MADD: variants seen among roughly 807,000 people sequenced by gnomAD.
The protein encoded by MADD is MAP kinase activating death domain, also known as MAP kinase-activating death domain protein.
Under a neutral mutation model 176.7 loss-of-function variants are expected in MADD, and 109 were observed. The ratio of observed to expected loss-of-function variants is 0.62; its 90% confidence interval spans 0.53 to 0.72. The LOEUF (loss-of-function observed/expected upper bound fraction) is 0.72, where lower values mean the gene tolerates loss of function less well. MADD is among the 30% of genes least tolerant of loss of function. MADD has a pLI of 0.00. For synonymous variants in MADD, 771 were observed against 771.3 expected (o/e 1.00, Z 0.01); for missense variants, 1,914 against 2,045.5 (o/e 0.94, Z 1.24).
intron 22 of MADD, among the ~76,000 whole-genome samples, chr11:47,306,400 G>T (rs1465490399): frequency 6.6e-6 from 1 of 152,188 alleles, no homozygotes; most frequent in African/African-American, 2.4e-5. Context: ...TAGCACAGTA[G>T]CTGCACAGGC....
At chr11:47,282,747 C>CT (rs2057863350) in intron 9 of MADD, 66 bp from the exon 10 acceptor site, 1 of 1,598,184 alleles carries the variant, frequency 6.3e-7, no homozygotes, top group Admixed American at 1.7e-5. Flanking sequence ...TCCTGCCTTT[C>CT]TTTCAGGCGT....
intron 22 of MADD, among the ~76,000 whole-genome samples, chr11:47,296,436 T>C (rs56168519): frequency 0.11 from 16,745 of 152,228 alleles, 1,071 homozygotes; most frequent in South Asian, 0.23. Context: ...TCCAGTTTTA[T>C]TTTGGTCACT....
intron 30 of MADD, 61 bp downstream of exon 34, chr11:47,326,613 C>T (rs968358739): frequency 6.7e-7 from 1 of 1,489,652 alleles, no homozygotes; most frequent in African/African-American, 1.4e-5. Flanking sequence ...CGTGTGGATT[C>T]TTCTGTCCTC....
Position 47,324,417 on chromosome 11 carries a change from G to A in MADD, c.4436-54G>A. 7 of 1,601,594 alleles carry A rather than the reference G, an allele frequency of 4.4e-6. No homozygotes were observed. In the Middle Eastern group the frequency reaches 1.2e-3, roughly 265 times the overall value. The stretch of plus-strand genomic sequence containing the variant: ...TGTCAGGGGCCTGGCAGGGAAGTCA[G>A]GGGTGGGATTCCCCACCTCACCAGT... On this transcript the variant is annotated intron_variant, in intron 29 of 32. Coordinates refer to ENST00000402192, the Ensembl canonical transcript of MADD.
chr11:47,316,721 T>G (rs550203240), intron 27 of MADD, among the ~76,000 whole-genome samples: 15 of 152,008 alleles, frequency 9.9e-5, no homozygotes, highest in East Asian at 5.8e-4. Context: ...CAATAAAATA[T>G]GAACACAAAT....
At position 47,315,237 on chromosome 11, in the gene MADD, T is replaced by C. The variant is rs1416753060; in HGVS notation, c.4107T>C (p.Ser1369=). 7.4e-6 allele frequency: 12 copies of C among 1,612,304 alleles called. No homozygotes were observed. In the South Asian group the frequency reaches 1.3e-4, roughly 18 times the overall value. Reference sequence around the variant, plus strand: ...TTCATCAGAATGGACGCGATCTCTCTATCTGGTCCAGTGGCAGCCGGCACA... The same window carrying C: ...TTCATCAGAATGGACGCGATCTCTCCATCTGGTCCAGTGGCAGCCGGCACA... Residue 1369 remains serine, a synonymous_variant, in exon 27 of 33, where the codon TCT becomes TCC. Transcript: ENST00000402192.
At chr11:47,285,325 G>T (rs2059851474) in intron 13 of MADD, 126 bp from the exon 14 acceptor site, 2 of 1,546,522 alleles carry the variant, frequency 1.3e-6, no homozygotes, top group Admixed American at 1.8e-5. Context: ...AGAGGATGGT[G>T]TTCTGATCCA....
At chr11:47,301,771 G>A (rs1251342915) in intron 22 of MADD, among the ~76,000 whole-genome samples, 3 of 152,114 alleles carry the variant, frequency 2.0e-5, no homozygotes, top group Non-Finnish European at 4.4e-5. Context: ...CTAATTTTCA[G>A]AGCACAGTGT....
intron 7 of MADD, among the ~76,000 whole-genome samples, chr11:47,281,135 C>A (rs576605004): frequency 6.6e-6 from 1 of 152,166 alleles, no homozygotes; most frequent in Non-Finnish European, 1.5e-5. Context: ...TCTGAGGGGC[C>A]GATTTAGCTT....
intron 10 of MADD, among the ~76,000 whole-genome samples, chr11:47,283,330 T>C (rs7125432): frequency 0.023 from 3,486 of 152,056 alleles, 59 homozygotes; most frequent in Non-Finnish European, 0.035. Flanking sequence ...CCTGACCTTG[T>C]GATCTGCCCG....
Position 47,324,253 on chromosome 11 carries a change from C to T in MADD, c.4363-12C>T, listed in dbSNP as rs780984999. On this transcript the variant is annotated splice_polypyrimidine_tract_variant and intron_variant, in intron 28 of 32. Transcript: ENST00000402192. ...GCCCTCATGATGGGACCACTCTCCC[C>T]CTGTGCCACAGTGTCGGGAGCTGTA... The T allele has an allele frequency of 1.2e-6, 2 of 1,613,676 alleles. No homozygotes were observed. The highest frequency in any genetic ancestry group is 1.1e-5 in the South Asian group (1 of 91,046).
intron 30 of MADD, 45 bp from the exon 34 acceptor site, chr11:47,326,499 A>G: frequency 1.5e-6 from 2 of 1,340,798 alleles, no homozygotes; most frequent in Non-Finnish European, 1.9e-6. Flanking sequence ...TTGACCATTC[A>G]AACTAACGCC....
chr11:47,273,932 GT>G lies in MADD; in HGVS notation c.20del (p.Phe7SerfsTer9). The G allele has an allele frequency of 6.2e-7, 1 of 1,614,124 alleles. No individual in the cohort carries two copies. The highest frequency in any genetic ancestry group is 8.5e-7 in the Non-Finnish European group (1 of 1,179,992). On this transcript the variant is annotated frameshift_variant, in exon 2 of 33. Transcript: ENST00000402192. LOFTEE classifies it high-confidence loss of function. ...TTGGAACCATGGTGCAAAAGAAGAA[GT>G]TCTGTCCTCGGTTACTTGACTATCT...
intron 20 of MADD, among the ~76,000 whole-genome samples, chr11:47,294,669 CAAAAAAAAAAAA>C (rs58253961): frequency 1.8e-5 from 1 of 56,032 alleles, no homozygotes; most frequent in Non-Finnish European, 3.4e-5. Flanking sequence ...GACTCCGTCT[CAAAAAAAAAAAA>C]AAAAAAAAAA....
At position 47,308,679 on chromosome 11, in the gene MADD, A is replaced by ATC; in HGVS notation, c.3735_3736dup (p.Tyr1246SerfsTer6). The ATC allele has an allele frequency of 6.2e-7, 1 of 1,613,842 alleles. No homozygotes were observed. The highest frequency in any genetic ancestry group is 8.5e-7 in the Non-Finnish European group (1 of 1,179,798). On this transcript the variant is annotated frameshift_variant, in exon 23 of 33. Transcript: ENST00000402192. LOFTEE classifies it high-confidence loss of function. Reference sequence around the variant, plus strand: ...TCTGAAGATGTGAGCCAGCGAGTCTATCTCTATGAGGGACTCCTAGGTGAG... The same window carrying ATC: ...TCTGAAGATGTGAGCCAGCGAGTCTATCTCTCTATGAGGGACTCCTAGGTGAG...
At chr11:47,312,059 G>T (rs1381773209) in intron 26 of MADD, among the ~76,000 whole-genome samples, 1 of 152,166 alleles carries the variant, frequency 6.6e-6, no homozygotes, top group Non-Finnish European at 1.5e-5. Flanking sequence ...GGTTCAGAAG[G>T]TGAAAACGAT....
At chr11:47,313,957 A>G (rs2091576306) in intron 26 of MADD, among the ~76,000 whole-genome samples, 2 of 151,756 alleles carry the variant, frequency 1.3e-5, no homozygotes, top group African/African-American at 4.8e-5. Context: ...ATGGGGTTTC[A>G]CCACGCTGGT....
intron 11 of MADD, 27 bp downstream of exon 11, chr11:47,284,308 G>C: frequency 6.2e-7 from 1 of 1,612,742 alleles, no homozygotes; most frequent in Non-Finnish European, 8.5e-7. Flanking sequence ...AGATTGGCCA[G>C]CCCTGGGCAG....
chr11:47,312,563 G>A (rs907359478), intron 26 of MADD, among the ~76,000 whole-genome samples: 4 of 152,154 alleles, frequency 2.6e-5, no homozygotes, highest in Non-Finnish European at 4.4e-5. Flanking sequence ...AGTAGCTGAA[G>A]CTCCTGAGGT....
Sources: gnomAD v4.1 joint callset for allele counts (sites outside exome capture counted in the v4.1 genomes callset) on GRCh38, gnomAD v4.1.1 for gene constraint, MANE v1.5 for transcripts, NCBI Gene and HGNC (gene_info 2026-07-23, HGNC 2026-07-21) for gene names.